Variants in HDAC7 observed in about 807,000 individuals in gnomAD.
HDAC7 encodes the protein histone deacetylase 7.
HDAC7 carries 26 observed loss-of-function variants against 115.5 expected under a neutral mutation model. The ratio of observed to expected loss-of-function variants is 0.23; its 90% CI spans 0.16 to 0.31. The LOEUF is 0.31. Ranked by LOEUF, HDAC7 falls within the 10% of genes least tolerant of loss-of-function variation. The probability of loss-of-function intolerance (pLI) is 1.00; values close to 1 mark genes in which losing one functional copy is unlikely to be tolerated. For synonymous variants in HDAC7, 564 were observed against 550.9 expected (o/e 1.02, Z -0.33); for missense variants, 1,068 against 1,329.0 (o/e 0.80, Z 3.05).
intron 24 of HDAC7, chr12:47,784,835 T>TG: frequency 4.1e-6 from 6 of 1,454,254 alleles, no homozygotes; most frequent in Non-Finnish European, 5.6e-6. Flanking sequence ...TTTACCATTA[T>TG]GTAAAGACAT....
chr12:47,802,489 TTCC>T, intron 1 of HDAC7: 1 of 1,551,004 alleles, frequency 6.4e-7, no homozygotes, highest in Non-Finnish European at 8.7e-7. Context: ...CAGCTCCCTC[TTCC>T]TCAAGTCACT....
chr12:47,802,268 G>A lies in HDAC7; in HGVS notation c.26C>T (p.Thr9Ile). ...GTAGTGGGCACCCGGGCTCACCTGG[G>A]TCCCATCTGTAGAGAGAGAGACGGA... MHSPGADG[T>I]QVSPGAHYCS... is the part of the protein sequence containing the mutation. Residue 9 changes from threonine (T) to isoleucine (I), a missense_variant, in exon 2 of 26, where the codon ACC (threonine) becomes ATC (isoleucine). This residue lies in a region of HDAC7 where 161 missense variants were observed against 158.5 expected (regional missense o/e 1.02). Transcript: ENST00000080059. The A allele has an allele frequency of 6.2e-7, 1 of 1,613,986 alleles. No homozygotes were observed. Among genetic ancestry groups the A allele is most frequent in the Non-Finnish European group, 8.5e-7 (1 of 1,179,942 alleles).
intron 7 of HDAC7, among the ~76,000 whole-genome samples, chr12:47,796,526 C>A (rs1220041843): frequency 6.6e-6 from 1 of 151,494 alleles, no homozygotes; most frequent in East Asian, 1.9e-4. Flanking sequence ...TGGGTTCAAG[C>A]GATTCTCCTG....
chr12:47,791,497 G>C, intron 15 of HDAC7, 89 bp downstream of exon 15: 2 of 1,506,832 alleles, frequency 1.3e-6, no homozygotes, highest in Non-Finnish European at 1.8e-6. Flanking sequence ...GCAGGAGGAG[G>C]CTGGCTGGGC....
intron 7 of HDAC7, 145 bp downstream of exon 7, chr12:47,796,872 G>T (rs926072809): frequency 2.3e-6 from 2 of 858,098 alleles, no homozygotes; most frequent in Non-Finnish European, 3.3e-6. Context: ...CAACTCCCCC[G>T]CTTCGGCAAG....
chr12:47,796,093 G>A, intron 8 of HDAC7, 77 bp from the exon 9 acceptor site: 2 of 1,516,686 alleles, frequency 1.3e-6, no homozygotes, highest in Non-Finnish European at 1.8e-6. Context: ...CACCCAGGAG[G>A]CTCTGGCAGG....
chr12:47,816,218 C>T (rs1030285943), intron 1 of HDAC7, among the ~76,000 whole-genome samples: 1 of 152,040 alleles, frequency 6.6e-6, no homozygotes, highest in African/African-American at 2.4e-5. Flanking sequence ...AACACATTCC[C>T]CAGGTGACTC....
chr12:47,804,001 G>T (rs1278170044), intron 1 of HDAC7, among the ~76,000 whole-genome samples: 2 of 152,140 alleles, frequency 1.3e-5, no homozygotes, highest in African/African-American at 2.4e-5. Context: ...TCCCTACCCA[G>T]GGGCTGGTCA....
chr12:47,789,710 C>T, intron 17 of HDAC7, 103 bp downstream of exon 17: 2 of 1,374,014 alleles, frequency 1.5e-6, no homozygotes, highest in Non-Finnish European at 2.1e-6. Context: ...CTGTAGCAAT[C>T]TCTAAGAGGA....
At chr12:47,814,580 G>A (rs865801074) in intron 1 of HDAC7, among the ~76,000 whole-genome samples, 1 of 152,248 alleles carries the variant, frequency 6.6e-6, no homozygotes, top group Non-Finnish European at 1.5e-5. Context: ...AAGCAAGGGA[G>A]TGGCTTTGAT....
chr12:47,817,562 C>G (rs1565593590), intron 1 of HDAC7: 1 of 152,330 alleles, frequency 6.6e-6, no homozygotes, highest in African/African-American at 2.4e-5. Flanking sequence ...AGTCCGAAGT[C>G]TAACTGAGGG....
chr12:47,786,575 G>C lies in HDAC7; in HGVS notation c.2572+10C>G. ...GTCCCTAACGTCCCCCTCAGCTGAG[G>C]CTCCCTTACATTTGGCAGAAACATG... On this transcript the variant is annotated intron_variant, in intron 22 of 25. Transcript: ENST00000080059. 6.3e-7 allele frequency: 1 copy of C among 1,591,766 alleles called. No homozygotes were observed. The highest frequency in any genetic ancestry group is 8.6e-7 in the Non-Finnish European group (1 of 1,159,880).
chr12:47,805,913 G>T (rs1393559289), intron 1 of HDAC7, among the ~76,000 whole-genome samples: 1 of 152,180 alleles, frequency 6.6e-6, no homozygotes, highest in Admixed American at 6.5e-5. Flanking sequence ...AGTGAAACCT[G>T]GTTCTCACTT....
Position 47,793,335 on chromosome 12 carries a change from CT to C in HDAC7, c.1678+33del. On this transcript the variant is annotated intron_variant, in intron 13 of 25. Transcript: ENST00000080059. The surrounding 1 kb of genome is among the most constrained non-coding windows in gnomAD (Gnocchi z 4.5). ...CACATGGACTCGTGCAGCCGAGCCC[CT>C]CCCTCCACCCGCCACCCTCCTCCCG... 23 of 1,331,978 alleles carry C rather than the reference CT, an allele frequency of 1.7e-5. No individual in the cohort carries two copies. The highest frequency in any genetic ancestry group is 1.8e-5 in the Non-Finnish European group (18 of 975,394). The allele number at this position is 1,331,978 out of a possible 1,614,324, so 82.5% of individuals were successfully genotyped here.
rs1330876541 is a variant in HDAC7 at position 47,794,853 on chromosome 12, C to T, written c.1365G>A (p.Pro455=). 4.3e-6 allele frequency: 7 copies of T among 1,613,222 alleles called. No individual in the cohort carries two copies. In the East Asian group the frequency reaches 6.7e-5, roughly 15 times the overall value. The change falls in exon 12 of 26, where the codon CCG becomes CCA. Residue 455 remains proline, a synonymous_variant. Coordinates refer to ENST00000080059, the MANE Select transcript of HDAC7 (RefSeq NM_015401.5). ...CCAGGCCATCGTCCACCACCTGGCC[C>T]GGTCCCCCGCCATCTGTCTCCAGGT... is the stretch of plus-strand genomic sequence containing the variant. The part of the protein sequence containing the change: ...AEDLETDGGG[P]GQVVDDGLEH...
intron 2 of HDAC7, 129 bp from the exon 3 acceptor site, chr12:47,799,101 C>T: frequency 3.1e-6 from 2 of 636,136 alleles, no homozygotes; most frequent in Admixed American, 7.1e-5. Context: ...GGGGTTTTTC[C>T]TCACTTAATC....
chr12:47,789,066 G>A (rs545022101), intron 19 of HDAC7, 195 bp downstream of exon 19: 53 of 589,618 alleles, frequency 9.0e-5, no homozygotes, highest in African/African-American at 5.4e-4. Context: ...GGCTGAATGC[G>A]TTCCCACACG....
At position 47,798,749 on chromosome 12, in the gene HDAC7, C is replaced by T. The variant is rs771653148; in HGVS notation, c.258+36G>A. 9.6e-6 allele frequency: 15 copies of T among 1,554,772 alleles called. No individual in the cohort carries two copies. Among genetic ancestry groups the T allele is most frequent in the Non-Finnish European group, 1.0e-5 (12 of 1,148,154 alleles). The stretch of plus-strand genomic sequence containing the variant: ...AGGCGGGGAGGCTGGGGACCAAGCT[C>T]AAGGTGGCCCCACATGCAGGGAGCT... On this transcript the variant is annotated intron_variant, in intron 3 of 25. Coordinates refer to ENST00000080059, the MANE Select transcript of HDAC7 (RefSeq NM_015401.5). This position sits in a 1 kb window ranked among gnomAD's most constrained non-coding sequence, Gnocchi z 4.3.
intron 1 of HDAC7, among the ~76,000 whole-genome samples, chr12:47,818,767 A>G (rs1215404581): frequency 3.3e-5 from 5 of 152,202 alleles, no homozygotes; most frequent in Admixed American, 1.3e-4. Context: ...CGAGACAGCC[A>G]GTGTCCAGAT....
Sources: gnomAD v4.1 joint callset for allele counts (sites outside exome capture counted in the v4.1 genomes callset) on GRCh38, gnomAD v4.1.1 for gene constraint, gnomAD v4.1.1 regional missense constraint, Gnocchi (gnomAD v3.1) non-coding constraint, MANE v1.5 for transcripts, NCBI Gene and HGNC (gene_info 2026-07-23, HGNC 2026-07-21) for gene names.